The following PSMB1 variants were observed in gnomAD, a reference collection of about 807,000 sequenced individuals.
PSMB1 encodes proteasome subunit beta type-1.
In PSMB1, 7 loss-of-function variants were observed where a neutral mutation model predicts 25.4. That is an observed-to-expected ratio of 0.28 (90% confidence interval 0.16 to 0.52). The LOEUF is 0.52. PSMB1 is among the 20% of genes least tolerant of loss of function. PSMB1 has a pLI of 0.97. For synonymous variants in PSMB1, 119 were observed against 115.0 expected (o/e 1.03, Z -0.22); for missense variants, 284 against 302.2 (o/e 0.94, Z 0.45).
chr6:170,546,046 G>A, intron 3 of PSMB1, 57 bp downstream of exon 3: 1 of 1,450,240 alleles, frequency 6.9e-7, no homozygotes, highest in Non-Finnish European at 9.5e-7. Flanking sequence ...AGGCTTAAAA[G>A]AATTTAATGA....
At chr6:170,536,082 A>G (rs889769880) in intron 5 of PSMB1, among the ~76,000 whole-genome samples, 2 of 152,246 alleles carry the variant, frequency 1.3e-5, no homozygotes, top group Non-Finnish European at 2.9e-5. Context: ...GGGACGAATT[A>G]GAAATACAGG....
At chr6:170,544,629 G>A (rs1162778513) in intron 3 of PSMB1, among the ~76,000 whole-genome samples, 1 of 152,128 alleles carries the variant, frequency 6.6e-6, no homozygotes, top group Admixed American at 6.5e-5. Flanking sequence ...TTGAGCCCAG[G>A]AGATGAAGGC....
chr6:170,540,054 A>G (rs1349512764), intron 4 of PSMB1, among the ~76,000 whole-genome samples: 5 of 151,778 alleles, frequency 3.3e-5, no homozygotes, highest in Non-Finnish European at 7.4e-5. Context: ...TTTTCACTAC[A>G]GAAAAACTAA....
chr6:170,539,765 T>A (rs1245174355), intron 4 of PSMB1, among the ~76,000 whole-genome samples: 1 of 152,138 alleles, frequency 6.6e-6, no homozygotes, highest in Non-Finnish European at 1.5e-5. Flanking sequence ...ATTGGGGAAG[T>A]ACACAAAAAT....
intron 2 of PSMB1, among the ~76,000 whole-genome samples, chr6:170,548,794 G>A (rs12211657): frequency 0.041 from 6,225 of 152,142 alleles, 158 homozygotes; most frequent in Middle Eastern, 0.085. Context: ...TTAGGTTACC[G>A]AAAGCACTTT....
intron 1 of PSMB1, 46 bp downstream of exon 1, chr6:170,553,084 T>C (rs781068151): frequency 2.7e-6 from 4 of 1,504,146 alleles, no homozygotes; most frequent in Non-Finnish European, 3.6e-6. Context: ...CTTCAGCAGA[T>C]GGGGGAAGGG....
At chr6:170,550,965 G>A (rs1778891350) in intron 1 of PSMB1, among the ~76,000 whole-genome samples, 1 of 150,454 alleles carries the variant, frequency 6.6e-6, no homozygotes, top group South Asian at 2.1e-4. Context: ...GGCCAACATG[G>A]TGAAACCCAT....
intron 5 of PSMB1, 135 bp downstream of exon 5, chr6:170,537,099 A>C (rs759848307): frequency 2.1e-5 from 14 of 676,960 alleles, no homozygotes; most frequent in Non-Finnish European, 3.6e-5. Flanking sequence ...GCCAAACTCA[A>C]ACAGTAATTT....
chr6:170,544,721 A>T (rs1778796695), intron 3 of PSMB1, among the ~76,000 whole-genome samples: 1 of 152,130 alleles, frequency 6.6e-6, no homozygotes, highest in Non-Finnish European at 1.5e-5. Context: ...AGACAGATAG[A>T]TATCTAACTA....
chr6:170,551,851 G>C (rs181050824), intron 1 of PSMB1, among the ~76,000 whole-genome samples: 37 of 152,282 alleles, frequency 2.4e-4, no homozygotes, highest in Non-Finnish European at 7.3e-5. Context: ...TAAATAAGAT[G>C]ACAGCTTGCA....
chr6:170,542,787 C>A (rs568563123), intron 4 of PSMB1, among the ~76,000 whole-genome samples: 1 of 152,154 alleles, frequency 6.6e-6, no homozygotes, highest in Non-Finnish European at 1.5e-5. Flanking sequence ...CAGGTTCAGC[C>A]AGAAGGAACA....
intron 1 of PSMB1, among the ~76,000 whole-genome samples, 155 bp downstream of exon 1, chr6:170,552,975 C>A (rs1778932593): frequency 6.6e-6 from 1 of 152,230 alleles, no homozygotes. Flanking sequence ...CATGAGAGGA[C>A]GGCAGGGAGA....
intron 1 of PSMB1, among the ~76,000 whole-genome samples, chr6:170,551,570 C>T (rs543116361): frequency 2.8e-4 from 43 of 152,048 alleles, no homozygotes; most frequent in Non-Finnish European, 5.1e-4. Context: ...AAGTGAGTAA[C>T]GAGTAGGGCA....
intron 1 of PSMB1, among the ~76,000 whole-genome samples, chr6:170,550,861 G>A (rs541358721): frequency 6.9e-6 from 1 of 144,486 alleles, no homozygotes; most frequent in Non-Finnish European, 1.5e-5. Context: ...AGGAGGCCGG[G>A]CACGGTGGCT....
chr6:170,548,741 A>G lies in PSMB1; in HGVS notation c.221+265T>C, dbSNP rs186448744. ...CTCTGGCCTTCCACCATGTTAAGAC[A>G]CAGCAGGAAATTTTTCATGGTAAAA... On this transcript the variant is annotated intron_variant, in intron 2 of 5. Transcript: ENST00000262193. 4.2e-4 allele frequency among the ~76,000 whole-genome samples: 64 copies of G among 152,328 alleles called. No homozygotes were observed. The Middle Eastern group carries it at 0.01, about 24-fold the overall frequency.
chr6:170,536,164 A>G (rs1016419348), intron 5 of PSMB1: 4 of 316,534 alleles, frequency 1.3e-5, no homozygotes, highest in Non-Finnish European at 2.5e-5. Flanking sequence ...ACACACTGAG[A>G]AGTTTTTGGA....
At chr6:170,552,641 T>G (rs549089962) in intron 1 of PSMB1, among the ~76,000 whole-genome samples, 1 of 152,300 alleles carries the variant, frequency 6.6e-6, no homozygotes, top group Admixed American at 6.5e-5. Context: ...CGGCTACAAT[T>G]AGACATCTCG....
At chr6:170,542,221 G>T (rs573641180) in intron 4 of PSMB1, among the ~76,000 whole-genome samples, 49 of 152,262 alleles carry the variant, frequency 3.2e-4, no homozygotes, top group African/African-American at 1.1e-3. Flanking sequence ...TGTTCCCCAA[G>T]GCTGTGTATG....
chr6:170,538,268 A>AT (rs142132209), intron 4 of PSMB1, among the ~76,000 whole-genome samples: 6,229 of 152,294 alleles, frequency 0.041, 158 homozygotes, highest in Middle Eastern at 0.085. Context: ...ACAAGGTATG[A>AT]TTTTTTAAAA....
Sources: allele counts gnomAD v4.1 joint callset (sites outside exome capture counted in the v4.1 genomes callset), GRCh38; gene constraint gnomAD v4.1.1; transcripts MANE v1.5; gene names NCBI Gene and HGNC (gene_info 2026-07-23, HGNC 2026-07-21).